The following TMEFF2 variants were observed in gnomAD, a reference collection of about 807,000 sequenced individuals.
The protein encoded by TMEFF2 is tomoregulin-2.
A neutral mutation model predicts 53.8 loss-of-function variants in TMEFF2; 28 were observed. The ratio of observed to expected loss-of-function variants is 0.52; its 90% CI spans 0.39 to 0.71. TMEFF2 has a LOEUF of 0.71. TMEFF2 is among the 30% of genes least tolerant of loss of function. The probability of loss-of-function intolerance (pLI) is 0.00; values close to 1 mark genes in which losing one functional copy is unlikely to be tolerated. For missense variants in TMEFF2, 353 were observed against 455.2 expected, an observed-to-expected ratio of 0.78 and a Z score of 2.04; for synonymous variants, 162 against 166.3, an observed-to-expected ratio of 0.97 and a Z score of 0.20.
chr2:192,112,281 C>T (rs2105956607), intron 4 of TMEFF2, among the ~76,000 whole-genome samples: 1 of 152,272 alleles, frequency 6.6e-6, no homozygotes, highest in South Asian at 2.1e-4. Context: ...GGCAGAGCTG[C>T]CCAAGGCCAT....
At chr2:192,048,299 A>G (rs1687673317) in intron 5 of TMEFF2, among the ~76,000 whole-genome samples, 1 of 151,750 alleles carries the variant, frequency 6.6e-6, no homozygotes, top group African/African-American at 2.4e-5. Context: ...CCTCAAGATT[A>G]ACTAAAAATT....
intron 4 of TMEFF2, among the ~76,000 whole-genome samples, chr2:192,100,914 C>T (rs1689018083): frequency 6.6e-6 from 1 of 152,142 alleles, no homozygotes; most frequent in Non-Finnish European, 1.5e-5. Context: ...AACTTATTTG[C>T]ACAAATTTTA....
chr2:191,999,360 C>T (rs1686301960), intron 5 of TMEFF2, 152 bp from the exon 6 acceptor site: 1 of 516,740 alleles, frequency 1.9e-6, no homozygotes, highest in South Asian at 6.5e-5. Flanking sequence ...ACTTTTCTAA[C>T]TGAGAAGAAA....
rs555024902 is a variant in TMEFF2 at position 192,109,094 on chromosome 2, G to A, written c.440-51319C>T. Among the ~76,000 whole-genome samples the A allele has an allele frequency of 1.1e-4, 17 of 152,058 alleles. No individual in the cohort carries two copies. In the East Asian group the frequency reaches 3.3e-3, roughly 29 times the overall value. On this transcript the variant is annotated intron_variant, in intron 4 of 9. Coordinates refer to ENST00000272771, the MANE Select transcript of TMEFF2 (RefSeq NM_016192.4). ...TAAAAAAGTTCTGGAAATAAGTAGT[G>A]GTAATGGCTGCACAATACTGTGTAC...
chr2:192,150,052 T>A (rs182420945), intron 4 of TMEFF2, among the ~76,000 whole-genome samples: 2 of 152,158 alleles, frequency 1.3e-5, no homozygotes, highest in Admixed American at 6.6e-5. Context: ...CTGATATTAA[T>A]AAGTTCCACT....
At chr2:192,089,838 T>C (rs1329133924) in intron 4 of TMEFF2, among the ~76,000 whole-genome samples, 1 of 152,302 alleles carries the variant, frequency 6.6e-6, no homozygotes, top group Admixed American at 6.5e-5. Flanking sequence ...AAAAGACATA[T>C]AAATCATGTA....
chr2:192,183,724 G>A (rs1691244261), intron 3 of TMEFF2, among the ~76,000 whole-genome samples: 1 of 152,004 alleles, frequency 6.6e-6, no homozygotes, highest in African/African-American at 2.4e-5. Flanking sequence ...AAAAGCTACA[G>A]AGCACATGAA....
intron 4 of TMEFF2, among the ~76,000 whole-genome samples, chr2:192,143,913 T>C (rs536938692): frequency 1.6e-4 from 25 of 152,288 alleles, no homozygotes; most frequent in African/African-American, 6.0e-4. Flanking sequence ...CCTGACTTTT[T>C]ACTTCATAAT....
chr2:192,132,193 G>A (rs1689854857), intron 4 of TMEFF2, among the ~76,000 whole-genome samples: 1 of 152,072 alleles, frequency 6.6e-6, no homozygotes, highest in South Asian at 2.1e-4. Context: ...CCTCACACCT[G>A]GTCTGGCTTA....
chr2:192,027,095 A>G (rs1205094546), intron 5 of TMEFF2, among the ~76,000 whole-genome samples: 1 of 152,204 alleles, frequency 6.6e-6, no homozygotes. Context: ...AAGAGGTCAG[A>G]AAAAATCCAT....
intron 4 of TMEFF2, among the ~76,000 whole-genome samples, chr2:192,144,484 T>G (rs1690206355): frequency 6.6e-6 from 1 of 152,104 alleles, no homozygotes; most frequent in African/African-American, 2.4e-5. Flanking sequence ...GGAGCCATCT[T>G]TAGCAATTTT....
In TMEFF2 at chr2:191,953,849, T is replaced by G. The variant is rs983643774; in HGVS notation, c.870-12A>C. The stretch of plus-strand genomic sequence containing the variant: ...AACCAGCATCACACCTGGAAGAAAT[T>G]ATAGTGCCCAGTTACCTGTAGGGTG... On this transcript the variant is annotated splice_polypyrimidine_tract_variant and intron_variant, in intron 8 of 9. Coordinates refer to ENST00000272771, the MANE Select transcript of TMEFF2 (RefSeq NM_016192.4). The G allele has an allele frequency of 6.3e-7, 1 of 1,590,066 alleles. No individual in the cohort carries two copies. Among genetic ancestry groups the G allele is most frequent in the African/African-American group, 1.4e-5 (1 of 73,952 alleles).
intron 4 of TMEFF2, among the ~76,000 whole-genome samples, chr2:192,144,335 G>C (rs1574412324): frequency 6.6e-6 from 1 of 152,038 alleles, no homozygotes; most frequent in Non-Finnish European, 1.5e-5. Context: ...TTGGAGAACA[G>C]GTAAATAGAT....
intron 7 of TMEFF2, among the ~76,000 whole-genome samples, chr2:191,996,884 C>T (rs1261097272): frequency 6.6e-6 from 1 of 151,774 alleles, no homozygotes; most frequent in African/African-American, 2.4e-5. Context: ...GTTGGTGTTA[C>T]TGGGCTTGAA....
intron 5 of TMEFF2, among the ~76,000 whole-genome samples, chr2:192,000,954 C>T (rs1457734001): frequency 6.6e-6 from 1 of 152,168 alleles, no homozygotes; most frequent in African/African-American, 2.4e-5. Flanking sequence ...GACATTGCTA[C>T]CTCAGCTGAT....
intron 7 of TMEFF2, among the ~76,000 whole-genome samples, chr2:191,978,512 GCTTTC>G: frequency 6.7e-6 from 1 of 148,780 alleles, no homozygotes; most frequent in Admixed American, 6.7e-5. Flanking sequence ...CTGATTTCTT[GCTTTC>G]CTTTGACTAT....
chr2:192,132,945 G>A (rs564715853), intron 4 of TMEFF2, among the ~76,000 whole-genome samples: 4 of 152,216 alleles, frequency 2.6e-5, no homozygotes, highest in African/African-American at 2.4e-5. Context: ...GCCAAGCTTC[G>A]AGTAACTCTC....
intron 4 of TMEFF2, among the ~76,000 whole-genome samples, chr2:192,075,332 T>TATATATATATATATATATATACAC (rs796267672): frequency 1.1e-5 from 1 of 88,148 alleles, no homozygotes; most frequent in African/African-American, 4.1e-5. Flanking sequence ...TATATATATA[T>TATATATATATATATATATATACAC]ACATACATAC....
intron 4 of TMEFF2, among the ~76,000 whole-genome samples, chr2:192,154,499 A>T (rs982781902): frequency 2.0e-5 from 3 of 152,160 alleles, no homozygotes; most frequent in Admixed American, 2.0e-4. Context: ...GCTTCTATTT[A>T]GAAACTACTT....
Sources: gnomAD v4.1 joint callset for allele counts (sites outside exome capture counted in the v4.1 genomes callset) on GRCh38, gnomAD v4.1.1 for gene constraint, MANE v1.5 for transcripts, NCBI Gene and HGNC (gene_info 2026-07-23, HGNC 2026-07-21) for gene names.